The following ZYG11B variants were observed in gnomAD, a reference collection of about 807,000 sequenced individuals.
ZYG11B encodes protein zyg-11 homolog B.
Under a neutral mutation model 82.4 loss-of-function variants are expected in ZYG11B, and 36 were observed. That is an observed-to-expected ratio of 0.44 (90% CI 0.33 to 0.58). The LOEUF is 0.58. ZYG11B is among the 20% of genes least tolerant of loss of function. The pLI, the probability that ZYG11B is intolerant of heterozygous loss-of-function variation, is 0.02. For synonymous variants in ZYG11B, 303 were observed against 312.8 expected (o/e 0.97, Z 0.33); for missense variants, 552 against 895.6 (o/e 0.62, Z 4.90).
chr1:52,757,488 C>G (rs1644588798), intron 2 of ZYG11B, among the ~76,000 whole-genome samples: 1 of 151,912 alleles, frequency 6.6e-6, no homozygotes, highest in Non-Finnish European at 1.5e-5. Context: ...CCAGCCTGGC[C>G]AAGATGGCGA....
At chr1:52,820,657 C>T (rs567088183) in intron 13 of ZYG11B, among the ~76,000 whole-genome samples, 21 of 136,684 alleles carry the variant, frequency 1.5e-4, no homozygotes, top group Non-Finnish European at 2.4e-4. Context: ...GCCATGATCA[C>T]ACCACTGGGC....
At chr1:52,779,574 T>C (rs1339317637) in intron 3 of ZYG11B, among the ~76,000 whole-genome samples, 2 of 152,184 alleles carry the variant, frequency 1.3e-5, no homozygotes, top group African/African-American at 4.8e-5. Context: ...CACTGTAACC[T>C]CCGCCTCCTG....
Position 52,731,702 on chromosome 1 carries a change from A to C in ZYG11B, c.30+5019A>C, listed in dbSNP as rs575669454. ...TGACAATAGTTATATAATAAATACT[A>C]AGAAAAAATAAACCAGGCTAAGATA... On this transcript the variant is annotated intron_variant, in intron 1 of 13. Transcript: ENST00000294353. Among the ~76,000 whole-genome samples the C allele has an allele frequency of 1.3e-4, 20 of 152,308 alleles. No individual in the cohort carries two copies. The East Asian group carries it at 3.9e-3, about 29-fold the overall frequency.
chr1:52,798,310 A>G (rs537945653), intron 8 of ZYG11B, among the ~76,000 whole-genome samples: 2 of 151,892 alleles, frequency 1.3e-5, no homozygotes, highest in East Asian at 2.0e-4. Context: ...TGGGGTCTAC[A>G]TAAGTGTTAA....
At chr1:52,735,102 C>T (rs1309256858) in intron 1 of ZYG11B, among the ~76,000 whole-genome samples, 1 of 150,602 alleles carries the variant, frequency 6.6e-6, no homozygotes, top group Non-Finnish European at 1.5e-5. Context: ...GCGATCTCGG[C>T]TCACCGCAGC....
In ZYG11B at chr1:52,726,498, GCTGCTA is replaced by G; in HGVS notation, c.-148_-143del. On this transcript the variant is annotated 5_prime_UTR_variant, in exon 1 of 14. Transcript: ENST00000294353. The stretch of plus-strand genomic sequence containing the variant: ...GGCTGCGGCTGCGGCTGCGGCTGCG[GCTGCTA>G]CTGCTACGCTCCTAGCTTGAGGGAA... The G allele has an allele frequency of 3.2e-6, 2 of 628,410 alleles. No homozygotes were observed. Among genetic ancestry groups the G allele is most frequent in the Non-Finnish European group, 4.6e-6 (2 of 434,136 alleles). 38.9% of individuals were successfully genotyped at this position (628,410 alleles called of 1,614,324 possible).
At chr1:52,770,824 A>G (rs1372995628) in intron 2 of ZYG11B, among the ~76,000 whole-genome samples, 196 bp from the exon 3 acceptor site, 1 of 152,164 alleles carries the variant, frequency 6.6e-6, no homozygotes, top group East Asian at 1.9e-4. Context: ...TAGCCCTGTG[A>G]TCTTGGAAAG....
At chr1:52,738,629 G>A (rs1448569865) in intron 1 of ZYG11B, among the ~76,000 whole-genome samples, 1 of 145,094 alleles carries the variant, frequency 6.9e-6, no homozygotes, top group Non-Finnish European at 1.5e-5. Context: ...TTGAGATGGA[G>A]TTTCACTCTT....
chr1:52,774,800 CCCTACTCAGTTTT>C (rs1212212532), intron 3 of ZYG11B, among the ~76,000 whole-genome samples: 1 of 151,876 alleles, frequency 6.6e-6, no homozygotes, highest in African/African-American at 2.4e-5. Context: ...CTCACTATTT[CCCTACTCAGTTTT>C]CTCTTCTGTT....
intron 2 of ZYG11B, among the ~76,000 whole-genome samples, chr1:52,758,647 C>T (rs1439277655): frequency 6.6e-6 from 1 of 151,948 alleles, no homozygotes; most frequent in Non-Finnish European, 1.5e-5. Flanking sequence ...AGTATAAGTG[C>T]CAATAATGTG....
chr1:52,803,275 CACACATAT>C (rs1645108776), intron 10 of ZYG11B, among the ~76,000 whole-genome samples: 1 of 108,182 alleles, frequency 9.2e-6, no homozygotes, highest in East Asian at 2.8e-4. Context: ...TACACACACA[CACACATAT>C]ATATATATAT....
intron 2 of ZYG11B, among the ~76,000 whole-genome samples, chr1:52,757,119 C>T (rs1291814406): frequency 6.6e-6 from 1 of 151,808 alleles, no homozygotes; most frequent in Non-Finnish European, 1.5e-5. Context: ...AACTCCTGGG[C>T]TCATGTGATC....
At chr1:52,762,212 CTTTT>C (rs1438109698) in intron 2 of ZYG11B, among the ~76,000 whole-genome samples, 1 of 131,496 alleles carries the variant, frequency 7.6e-6, no homozygotes. Context: ...GTTGCCTGTG[CTTTT>C]TTTTTTTTTT....
chr1:52,775,785 T>C (rs767818921), intron 3 of ZYG11B, among the ~76,000 whole-genome samples: 3 of 148,388 alleles, frequency 2.0e-5, no homozygotes, highest in Non-Finnish European at 3.0e-5. Context: ...AATTTAAAAA[T>C]AGCTTTAGTC....
In ZYG11B at chr1:52,826,426, G is replaced by C. The variant is rs1022185825; in HGVS notation, c.*4797G>C. On this transcript the variant is annotated 3_prime_UTR_variant, in exon 14 of 14. Transcript: ENST00000294353. ...TAGGAATAATGCAAAACCAACCTTC[G>C]TCCGGTGATGAGAATAGCCGTATGA... is the stretch of plus-strand genomic sequence containing the variant. 1 of 152,122 alleles carries C rather than the reference G, an allele frequency of 6.6e-6. No homozygotes were observed. The highest frequency in any genetic ancestry group is 2.4e-5 in the African/African-American group (1 of 41,404). The allele number at this position is 152,122 out of a possible 1,614,324, so 9.4% of individuals were successfully genotyped here. A position where few individuals can be genotyped will look rare whatever the true frequency, so the allele number is the denominator to read the frequency against.
intron 3 of ZYG11B, chr1:52,772,474 C>T: frequency 6.3e-7 from 1 of 1,587,092 alleles, no homozygotes; most frequent in East Asian, 2.2e-5. Flanking sequence ...TGTGCAACAC[C>T]ATGTGATTCT....
chr1:52,786,817 G>A (rs1370394501), intron 5 of ZYG11B, among the ~76,000 whole-genome samples: 2 of 151,088 alleles, frequency 1.3e-5, no homozygotes, highest in Non-Finnish European at 2.9e-5. Flanking sequence ...CGAGCCGGGC[G>A]TTGTGGCTCA....
chr1:52,772,661 C>G lies in ZYG11B; in HGVS notation c.951+887C>G. The G allele has an allele frequency of 3.7e-6, 3 of 806,024 alleles. No homozygotes were observed. The South Asian group carries it at 4.2e-5, about 11-fold the overall frequency. The allele number at this position is 806,024 out of a possible 1,614,324, so 49.9% of individuals were successfully genotyped here. A position where few individuals can be genotyped will look rare whatever the true frequency, so the allele number is the denominator to read the frequency against. Reference sequence around the variant, plus strand: ...GCATACGACCCATGATGGCGGCGATCAGGCAACGAAAGGCTTGTTTTTTTT... The same window carrying G: ...GCATACGACCCATGATGGCGGCGATGAGGCAACGAAAGGCTTGTTTTTTTT... On this transcript the variant is annotated intron_variant, in intron 3 of 13. Transcript: ENST00000294353.
intron 3 of ZYG11B, among the ~76,000 whole-genome samples, chr1:52,773,312 A>G (rs1030063398): frequency 1.3e-5 from 2 of 151,424 alleles, no homozygotes; most frequent in Non-Finnish European, 2.9e-5. Flanking sequence ...CGTCTCTACT[A>G]AAAATACAAA....
Sources: allele counts gnomAD v4.1 joint callset (sites outside exome capture counted in the v4.1 genomes callset), GRCh38; gene constraint gnomAD v4.1.1; transcripts MANE v1.5; gene names NCBI Gene and HGNC (gene_info 2026-07-23, HGNC 2026-07-21).